The following RAD51B variants were observed in gnomAD, a reference collection of about 807,000 sequenced individuals.
RAD51B encodes DNA repair protein RAD51 homolog 2.
Under a neutral mutation model 42.2 loss-of-function variants are expected in RAD51B, and 38 were observed. The observed-to-expected ratio is 0.90, with a 90% CI of 0.70 to 1.18. The LOEUF (loss-of-function observed/expected upper bound fraction) is 1.18. Among genes scored for constraint, RAD51B ranks in the 50% most tolerant of loss-of-function variants. RAD51B has a pLI of 0.00. For synonymous variants in RAD51B, 154 were observed against 145.2 expected, an observed-to-expected ratio of 1.06 and a Z score of -0.43; for missense variants, 373 against 400.7, an observed-to-expected ratio of 0.93 and a Z score of 0.59.
In RAD51B at chr14:68,563,904, G is replaced by A. The variant is rs1252753209; in HGVS notation, c.1037-30581G>A. 3 of 985,296 alleles carry A rather than the reference G, an allele frequency of 3.0e-6. No homozygotes were observed. In the African/African-American group the frequency reaches 5.2e-5, roughly 17 times the overall value. 61.0% of individuals were successfully genotyped at this position (985,296 alleles called of 1,614,324 possible). ...CTGCAGCCTTGAGTAACGGCCACAGGCCGATTCTCGGCAATTAAAAATAAT... is the reference window on the plus strand; with the variant it reads ...CTGCAGCCTTGAGTAACGGCCACAGACCGATTCTCGGCAATTAAAAATAAT... On this transcript the variant is annotated intron_variant, in intron 10 of 10. Coordinates refer to the RAD51B transcript ENST00000487270.
exon 11 of RAD51B, chr14:68,611,230 G>T: frequency 1.4e-6 from 1 of 703,022 alleles, no homozygotes; most frequent in Admixed American, 2.0e-5. Context: ...AGAGACTTTG[G>T]ATGAGCATCC....
rs114112397 is a variant in RAD51B at position 68,680,133 on chromosome 14, G to A, written c.*11+29277G>A. Among the ~76,000 whole-genome samples, 930 of 152,110 alleles carry A rather than the reference G, an allele frequency of 6.1e-3. 4 individuals carry two copies. The highest frequency in any genetic ancestry group is 0.021 in the African/African-American group (878 of 41,462). ...TTCACAATGTCACTGCTACAGACACGGCACACTTTTACGTCTAATCTTACT... is the reference window on the plus strand; with the variant it reads ...TTCACAATGTCACTGCTACAGACACAGCACACTTTTACGTCTAATCTTACT... On this transcript the variant is annotated intron_variant, in intron 11 of 11. Coordinates refer to the RAD51B transcript ENST00000488612.
intron 7 of RAD51B, among the ~76,000 whole-genome samples, chr14:68,024,337 T>C (rs896000611): frequency 1.2e-4 from 18 of 152,216 alleles, no homozygotes; most frequent in Non-Finnish European, 1.3e-4. Context: ...AAATTCTATA[T>C]GAATTTTAGA....
At chr14:68,249,002 A>C (rs1029151309) in intron 7 of RAD51B, among the ~76,000 whole-genome samples, 1 of 152,270 alleles carries the variant, frequency 6.6e-6, no homozygotes, top group African/African-American at 2.4e-5. Flanking sequence ...GCCCTCTGGC[A>C]GAGGGGCAGC....
Position 68,477,848 on chromosome 14 carries a change from G to A in RAD51B, c.*184G>A. On this transcript the variant is annotated 3_prime_UTR_variant, in exon 11 of 11. Coordinates refer to ENST00000471583, the MANE Select transcript of RAD51B (RefSeq NM_133510.4). ...AGCGATTTCAGACCTAGCAGGGAAG[G>A]TGAAGATGAAGAAGCCTTTGTTCAG... 1 of 1,431,514 alleles carries A rather than the reference G, an allele frequency of 7.0e-7. No homozygotes were observed. The highest frequency in any genetic ancestry group is 9.1e-7 in the Non-Finnish European group (1 of 1,093,612). 88.7% of individuals were successfully genotyped at this position (1,431,514 alleles called of 1,614,324 possible). A position where few individuals can be genotyped will look rare whatever the true frequency, so the allele number is the denominator to read the frequency against.
intron 7 of RAD51B, among the ~76,000 whole-genome samples, chr14:68,237,742 T>C (rs1381602092): frequency 1.4e-5 from 2 of 144,564 alleles, no homozygotes; most frequent in Non-Finnish European, 3.0e-5. Flanking sequence ...CTTTTTTTTT[T>C]TTTTTTTTTT....
intron 10 of RAD51B, among the ~76,000 whole-genome samples, chr14:68,619,774 A>G (rs1891906204): frequency 6.6e-6 from 1 of 152,186 alleles, no homozygotes; most frequent in Non-Finnish European, 1.5e-5. Flanking sequence ...ATGGTCTCCC[A>G]CCTTTCTGTG....
chr14:68,167,085 T>G (rs1421635410), intron 7 of RAD51B, among the ~76,000 whole-genome samples: 2 of 152,314 alleles, frequency 1.3e-5, no homozygotes, highest in East Asian at 3.9e-4. Context: ...ATGCAAATCA[T>G]AGAATATTAC....
chr14:67,993,141 G>T (rs2075323413), intron 7 of RAD51B, among the ~76,000 whole-genome samples: 1 of 152,050 alleles, frequency 6.6e-6, no homozygotes, highest in African/African-American at 2.4e-5. Context: ...GAGATATTTT[G>T]ATACAGATAC....
intron 7 of RAD51B, among the ~76,000 whole-genome samples, chr14:68,235,920 G>T (rs1407913903): frequency 6.6e-6 from 1 of 152,046 alleles, no homozygotes; most frequent in Non-Finnish European, 1.5e-5. Flanking sequence ...CATGGATGGA[G>T]CTGGAAGCCA....
intron 9 of RAD51B, among the ~76,000 whole-genome samples, chr14:68,452,838 T>C (rs1004605897): frequency 2.6e-5 from 4 of 152,212 alleles, no homozygotes; most frequent in Non-Finnish European, 5.9e-5. Context: ...AAAGTAAGTC[T>C]TGAAGAGGTT....
At chr14:68,338,803 C>G (rs1186185880) in intron 8 of RAD51B, 2 of 575,132 alleles carry the variant, frequency 3.5e-6, no homozygotes, top group Non-Finnish European at 6.7e-6. Flanking sequence ...GACTTGAGAC[C>G]CAGGACATTG....
At chr14:68,512,038 A>G (rs1198353693) in intron 10 of RAD51B, among the ~76,000 whole-genome samples, 1 of 152,256 alleles carries the variant, frequency 6.6e-6, no homozygotes, top group Non-Finnish European at 1.5e-5. Flanking sequence ...TTTTCCCCCC[A>G]AAATCTAGGT....
intron 10 of RAD51B, chr14:68,562,068 G>C (rs551785730): frequency 1.0e-6 from 1 of 985,286 alleles, no homozygotes; most frequent in Non-Finnish European, 1.2e-6. Context: ...TGAATAATTT[G>C]GAGAGTCCAT....
chr14:68,478,193 AG>A (rs1375100396), downstream of RAD51B: 22 of 1,002,320 alleles, frequency 2.2e-5, no homozygotes, highest in Non-Finnish European at 2.6e-5. Context: ...GGCATGGGCA[AG>A]GGGGTCGACT....
At chr14:67,844,683 A>G in intron 4 of RAD51B, among the ~76,000 whole-genome samples, 1 of 151,176 alleles carries the variant, frequency 6.6e-6, no homozygotes, top group East Asian at 1.9e-4. Context: ...GGTTTGTTAC[A>G]TATGTATACA....
At chr14:68,588,118 G>A (rs1214009333) in intron 10 of RAD51B, among the ~76,000 whole-genome samples, 5 of 152,180 alleles carry the variant, frequency 3.3e-5, no homozygotes, top group East Asian at 1.9e-4. Flanking sequence ...ATATGGGTGC[G>A]TTCATCCCAG....
intron 7 of RAD51B, among the ~76,000 whole-genome samples, chr14:68,005,856 G>A (rs1363448427): frequency 2.0e-5 from 3 of 152,242 alleles, no homozygotes; most frequent in East Asian, 3.9e-4. Context: ...CGGCTTCTGG[G>A]GAGGCCTCAA....
At chr14:68,138,100 C>T (rs1253860535) in intron 7 of RAD51B, among the ~76,000 whole-genome samples, 1 of 152,092 alleles carries the variant, frequency 6.6e-6, no homozygotes, top group Non-Finnish European at 1.5e-5. Context: ...GAAGCCAGGA[C>T]AAGCTTGAAA....
Sources: allele counts gnomAD v4.1 joint callset (sites outside exome capture counted in the v4.1 genomes callset), GRCh38; gene constraint gnomAD v4.1.1; transcripts MANE v1.5; gene names NCBI Gene and HGNC (gene_info 2026-07-23, HGNC 2026-07-21).